Variants in SULT2B1 observed in about 807,000 individuals in gnomAD.
SULT2B1 encodes the protein sulfotransferase 2B1.
In SULT2B1, 16 loss-of-function variants were observed where a neutral mutation model predicts 33.2. That is an observed-to-expected ratio of 0.48 (90% CI 0.33 to 0.73). The LOEUF is 0.73. Ranked by LOEUF, SULT2B1 falls within the 30% of genes least tolerant of loss-of-function variation. The pLI, the probability that SULT2B1 is intolerant of heterozygous loss-of-function variation, is 0.02. For missense variants in SULT2B1, 500 were observed against 506.0 expected (o/e 0.99, Z 0.11); for synonymous variants, 186 against 200.5 (o/e 0.93, Z 0.61).
intron 1 of SULT2B1, among the ~76,000 whole-genome samples, chr19:48,575,056 T>G (rs1973385256): frequency 1.4e-5 from 2 of 146,128 alleles, no homozygotes; most frequent in Non-Finnish European, 3.0e-5. Flanking sequence ...TAATTTTAAC[T>G]CAAAGTTATG....
chr19:48,574,174 T>C (rs1973370980), intron 1 of SULT2B1, among the ~76,000 whole-genome samples: 1 of 152,176 alleles, frequency 6.6e-6, no homozygotes, highest in Non-Finnish European at 1.5e-5. Context: ...TGAGGAGTTT[T>C]CAAAGTATCC....
intron 1 of SULT2B1, among the ~76,000 whole-genome samples, chr19:48,558,872 G>A (rs989339245): frequency 7.3e-5 from 11 of 151,710 alleles, no homozygotes; most frequent in African/African-American, 2.4e-4. Context: ...TTTTAGTTGA[G>A]ACAGGGTTTC....
In SULT2B1 at chr19:48,587,576, G is replaced by A; in HGVS notation, c.423+139G>A. 6 of 954,694 alleles carry A rather than the reference G, an allele frequency of 6.3e-6. No individual in the cohort carries two copies. In the Admixed American group the frequency reaches 9.0e-5, roughly 14 times the overall value. 59.1% of individuals were successfully genotyped at this position (954,694 alleles called of 1,614,324 possible). ...ATGTGCCTGACTCTGATCTAGCACA[G>A]TGGTCAATATACACACAGAAATGCC... On this transcript the variant is annotated intron_variant, in intron 3 of 6. Coordinates refer to ENST00000201586, the MANE Select transcript of SULT2B1 (RefSeq NM_177973.2).
intron 2 of SULT2B1, among the ~76,000 whole-genome samples, chr19:48,577,511 G>T (rs76241470): frequency 0.19 from 28,205 of 151,124 alleles, 2,814 homozygotes; most frequent in East Asian, 0.41. Context: ...GATTACAGGC[G>T]TGTGCCACTA....
intron 1 of SULT2B1, among the ~76,000 whole-genome samples, chr19:48,556,197 G>A (rs1440122357): frequency 6.6e-6 from 1 of 152,082 alleles, no homozygotes; most frequent in Non-Finnish European, 1.5e-5. Flanking sequence ...TAGGATTTTT[G>A]GCCAGGGGAA....
chr19:48,584,348 C>T (rs928714519), intron 2 of SULT2B1, among the ~76,000 whole-genome samples: 6 of 152,130 alleles, frequency 3.9e-5, no homozygotes, highest in African/African-American at 1.4e-4. Context: ...GAGGGGTAAA[C>T]GTCACTGCGT....
At chr19:48,572,789 G>A (rs1216706197) in intron 1 of SULT2B1, among the ~76,000 whole-genome samples, 1 of 152,084 alleles carries the variant, frequency 6.6e-6, no homozygotes, top group African/African-American at 2.4e-5. Flanking sequence ...CAGGAATGCA[G>A]GGACAGAGAA....
At chr19:48,570,725 TTTTTG>T (rs1347112925) in intron 1 of SULT2B1, among the ~76,000 whole-genome samples, 1 of 66,888 alleles carries the variant, frequency 1.5e-5, no homozygotes, top group African/African-American at 7.2e-5. Context: ...TCCGTTTTTG[TTTTTG>T]TTTTTTTTTT....
At chr19:48,569,798 CT>C (rs1220709061) in intron 1 of SULT2B1, among the ~76,000 whole-genome samples, 1 of 151,862 alleles carries the variant, frequency 6.6e-6, no homozygotes, top group Admixed American at 6.6e-5. Context: ...TCCTGAGTAG[CT>C]GGGATTATAA....
chr19:48,595,898 A>C (rs1165931294), intron 5 of SULT2B1: 1 of 152,014 alleles, frequency 6.6e-6, no homozygotes, highest in Non-Finnish European at 1.5e-5. Flanking sequence ...AACTCCCGAC[A>C]CCTGTCTCAG....
intron 3 of SULT2B1, among the ~76,000 whole-genome samples, chr19:48,589,929 C>G (rs1193904044): frequency 1.3e-5 from 2 of 152,196 alleles, no homozygotes; most frequent in Non-Finnish European, 1.5e-5. Context: ...CACAGGCACT[C>G]CAGCCTCAAG....
chr19:48,560,391 C>T (rs542990397), intron 1 of SULT2B1, among the ~76,000 whole-genome samples: 3 of 151,852 alleles, frequency 2.0e-5, no homozygotes, highest in African/African-American at 2.4e-5. Flanking sequence ...AAACTGAGGC[C>T]CCACTCATAA....
At chr19:48,588,696 A>C (rs916720123) in intron 3 of SULT2B1, among the ~76,000 whole-genome samples, 2 of 151,918 alleles carry the variant, frequency 1.3e-5, no homozygotes, top group African/African-American at 2.4e-5. Context: ...ATAGAGTTAG[A>C]GGTGGGTGTG....
In SULT2B1 at chr19:48,588,797, A is replaced by G. The variant is rs556306097; in HGVS notation, c.423+1360A>G. ...TGGGAGCCACAGAGGTTTCTAGAGGAAGAGCATTTCAGGCAAGAGGGAAAA... is the reference window on the plus strand; with the variant it reads ...TGGGAGCCACAGAGGTTTCTAGAGGGAGAGCATTTCAGGCAAGAGGGAAAA... On this transcript the variant is annotated intron_variant, in intron 3 of 6. Coordinates refer to ENST00000201586, the MANE Select transcript of SULT2B1 (RefSeq NM_177973.2). Among the ~76,000 whole-genome samples, 650 of 152,002 alleles carry G rather than the reference A, an allele frequency of 4.3e-3. 2 individuals carry two copies. The highest frequency in any genetic ancestry group is 7.2e-3 in the Non-Finnish European group (487 of 67,986).
In SULT2B1 at chr19:48,552,327, A is replaced by T; in HGVS notation, c.71+4A>T. Reference sequence around the variant, plus strand: ...AAGATGACATCTCGGAAATCAGGTGAGGCCCAGACCTGGGCAGGAGCCAGG... The same window carrying T: ...AAGATGACATCTCGGAAATCAGGTGTGGCCCAGACCTGGGCAGGAGCCAGG... On this transcript the variant is annotated splice_donor_region_variant and intron_variant, in intron 1 of 6. Transcript: ENST00000201586. This position sits in a 1 kb window ranked among gnomAD's most constrained non-coding sequence, Gnocchi z 4.8. 6.2e-7 allele frequency: 1 copy of T among 1,613,840 alleles called. No homozygotes were observed. Among genetic ancestry groups the T allele is most frequent in the Non-Finnish European group, 8.5e-7 (1 of 1,179,870 alleles).
intron 5 of SULT2B1, among the ~76,000 whole-genome samples, chr19:48,595,281 TAAA>T (rs35536990): frequency 6.7e-6 from 1 of 149,792 alleles, no homozygotes. Flanking sequence ...AAACTCCGTC[TAAA>T]AAAAAAAAGG....
chr19:48,568,356 G>A (rs1411869796), intron 1 of SULT2B1, among the ~76,000 whole-genome samples: 1 of 151,982 alleles, frequency 6.6e-6, no homozygotes, highest in Non-Finnish European at 1.5e-5. Flanking sequence ...GGGCAGTAAT[G>A]TGCACGGGGT....
intron 1 of SULT2B1, among the ~76,000 whole-genome samples, chr19:48,562,329 A>G (rs1973193110): frequency 6.6e-6 from 1 of 151,930 alleles, no homozygotes; most frequent in African/African-American, 2.4e-5. Context: ...TGGAGGTTGC[A>G]GTGAGCTGAG....
chr19:48,561,510 GGA>G (rs200751025), intron 1 of SULT2B1, among the ~76,000 whole-genome samples: 2 of 151,578 alleles, frequency 1.3e-5, no homozygotes, highest in East Asian at 1.9e-4. Flanking sequence ...ATGCTGGAAG[GGA>G]GAGAGAGAGG....
Sources: gnomAD v4.1 joint callset for allele counts (sites outside exome capture counted in the v4.1 genomes callset) on GRCh38, gnomAD v4.1.1 for gene constraint, Gnocchi (gnomAD v3.1) non-coding constraint, MANE v1.5 for transcripts, NCBI Gene and HGNC (gene_info 2026-07-23, HGNC 2026-07-21) for gene names.